The following SNX6 variants were observed in gnomAD, a reference collection of about 807,000 sequenced individuals.
SNX6 encodes sorting nexin 6, also known as sorting nexin-6.
A neutral mutation model predicts 63.0 loss-of-function variants in SNX6; 34 were observed. The ratio of observed to expected loss-of-function variants is 0.54; its 90% CI spans 0.41 to 0.72. SNX6 has a LOEUF of 0.72. SNX6 is among the 30% of genes least tolerant of loss of function. The pLI is 0.00. For synonymous variants in SNX6, 170 were observed against 164.2 expected (o/e 1.04, Z -0.27); for missense variants, 398 against 471.4 (o/e 0.84, Z 1.44).
At chr14:34,629,651 G>C in intron 2 of SNX6, 1 of 681,288 alleles carries the variant, frequency 1.5e-6, no homozygotes, top group Non-Finnish European at 2.7e-6. Context: ...CCGCGTGGGA[G>C]TGGAGGTCCA....
chr14:34,612,270 G>C lies in SNX6; in HGVS notation c.55-2528C>G, dbSNP rs565299772. 8.7e-4 allele frequency among the ~76,000 whole-genome samples: 132 copies of C among 152,170 alleles called. 1 individual carries two copies. Among genetic ancestry groups the C allele is most frequent in the African/African-American group, 2.9e-3 (120 of 41,528 alleles). ...CACTTTTAAGATGTTTATTGTGGTAGGCTGAACAATGGCTCCCCAGGAGGT... is the reference window on the plus strand; with the variant it reads ...CACTTTTAAGATGTTTATTGTGGTACGCTGAACAATGGCTCCCCAGGAGGT... On this transcript the variant is annotated intron_variant, in intron 2 of 13. Coordinates refer to ENST00000362031, the MANE Select transcript of SNX6 (RefSeq NM_152233.4).
chr14:34,620,456 G>C (rs1208218702), intron 2 of SNX6, among the ~76,000 whole-genome samples: 1 of 152,018 alleles, frequency 6.6e-6, no homozygotes, highest in African/African-American at 2.4e-5. Flanking sequence ...ATGCCAGCCT[G>C]GGCAACAGAG....
At chr14:34,603,535 T>C in intron 5 of SNX6, 64 bp from the exon 6 acceptor site, 2 of 1,375,768 alleles carry the variant, frequency 1.5e-6, no homozygotes, top group South Asian at 1.5e-5. Context: ...CCTGCAACAA[T>C]TTTTTTCAGA....
intron 2 of SNX6, among the ~76,000 whole-genome samples, chr14:34,610,978 CGTGT>C (rs202152885): frequency 6.6e-6 from 1 of 151,160 alleles, no homozygotes; most frequent in African/African-American, 2.4e-5. Flanking sequence ...AATATATATA[CGTGT>C]GTGTGTGTGT....
chr14:34,569,748 G>A (rs1456170735), intron 11 of SNX6, among the ~76,000 whole-genome samples: 1 of 152,172 alleles, frequency 6.6e-6, no homozygotes, highest in African/African-American at 2.4e-5. Context: ...TTCTACTGCT[G>A]AGTAGTATTT....
intron 13 of SNX6, among the ~76,000 whole-genome samples, chr14:34,564,690 T>C (rs909608525): frequency 3.4e-4 from 51 of 151,898 alleles, no homozygotes; most frequent in African/African-American, 1.2e-3. Flanking sequence ...TAGCTGGGCG[T>C]GGTGGTGTGC....
chr14:34,566,730 T>C (rs1470632707), intron 13 of SNX6, among the ~76,000 whole-genome samples: 1 of 152,164 alleles, frequency 6.6e-6, no homozygotes, highest in Admixed American at 6.6e-5. Flanking sequence ...AAACTTTCTA[T>C]TAACTACAAG....
At chr14:34,581,746 T>C in intron 9 of SNX6, 146 bp from the exon 10 acceptor site, 2 of 477,022 alleles carry the variant, frequency 4.2e-6, no homozygotes, top group Non-Finnish European at 7.8e-6. Context: ...AGACTTCATT[T>C]AGTTTGACAA....
chr14:34,599,465 G>A (rs1882721981), intron 6 of SNX6, among the ~76,000 whole-genome samples: 1 of 152,078 alleles, frequency 6.6e-6, no homozygotes, highest in Admixed American at 6.6e-5. Flanking sequence ...AAACTAGCTG[G>A]GCGTCGTGGC....
Position 34,567,981 on chromosome 14 carries a change from C to T in SNX6, c.954G>A (p.Val318=). Residue 318 remains valine, a synonymous_variant, in exon 12 of 14, where the codon GTG becomes GTA. Coordinates refer to ENST00000362031, the MANE Select transcript of SNX6 (RefSeq NM_152233.4). ...GTGCTTTATTAGCATTTTCATAATC[C>T]ACTAGTGACCTAGACCTTCGATACA... is the stretch of plus-strand genomic sequence containing the variant. ...DLLYRRSRSL[V]DYENANKALD... 3 of 1,611,874 alleles carry T rather than the reference C, an allele frequency of 1.9e-6. No individual in the cohort carries two copies. The highest frequency in any genetic ancestry group is 1.7e-6 in the Non-Finnish European group (2 of 1,179,928).
intron 10 of SNX6, among the ~76,000 whole-genome samples, chr14:34,576,424 T>C (rs1270629389): frequency 7.1e-6 from 1 of 140,554 alleles, no homozygotes; most frequent in Non-Finnish European, 1.5e-5. Context: ...CGTGAGTTTA[T>C]GGAAGGACAC....
chr14:34,569,656 G>C (rs1458700530), intron 11 of SNX6, among the ~76,000 whole-genome samples: 1 of 152,156 alleles, frequency 6.6e-6, no homozygotes, highest in Non-Finnish European at 1.5e-5. Context: ...AAATGGAATA[G>C]TGTGATTTTT....
Position 34,566,770 on chromosome 14 carries a change from C to G in SNX6, c.1167+916G>C, listed in dbSNP as rs148064724. On this transcript the variant is annotated intron_variant, in intron 13 of 13. Coordinates refer to ENST00000362031, the MANE Select transcript of SNX6 (RefSeq NM_152233.4). ...GGCTTAATTCAAAGTAAACAACTAA[C>G]GTGAAAAAAGACCAGAGGGCCAGGC... Among the ~76,000 whole-genome samples, 145 of 152,196 alleles carry G rather than the reference C, an allele frequency of 9.5e-4. No homozygotes were observed. The Middle Eastern group carries it at 0.02, about 21-fold the overall frequency.
chr14:34,619,884 TA>T (rs563804428), intron 2 of SNX6, among the ~76,000 whole-genome samples: 53 of 152,254 alleles, frequency 3.5e-4, no homozygotes, highest in African/African-American at 1.1e-3. Flanking sequence ...TTTATTTATT[TA>T]TTTTTTTATA....
intron 11 of SNX6, among the ~76,000 whole-genome samples, chr14:34,574,869 TTTTC>T (rs143777227): frequency 0.011 from 1,668 of 151,612 alleles, 28 homozygotes; most frequent in African/African-American, 0.036. Context: ...GCTCCTGCTT[TTTTC>T]TTTTTCTTTG....
At chr14:34,626,166 A>C (rs2138395030) in intron 2 of SNX6, among the ~76,000 whole-genome samples, 1 of 152,306 alleles carries the variant, frequency 6.6e-6, no homozygotes, top group South Asian at 2.1e-4. Flanking sequence ...AATTATTATG[A>C]TTCACCCAGT....
intron 10 of SNX6, among the ~76,000 whole-genome samples, chr14:34,576,453 T>TATATA (rs201315469): frequency 5.7e-4 from 2 of 3,530 alleles, no homozygotes; most frequent in Non-Finnish European, 2.3e-3. Context: ...TATATATATA[T>TATATA]TTTTTTTTTT....
chr14:34,616,168 A>G (rs1883412686), intron 2 of SNX6, among the ~76,000 whole-genome samples: 1 of 151,832 alleles, frequency 6.6e-6, no homozygotes, highest in Non-Finnish European at 1.5e-5. Flanking sequence ...GTTGGCCAGG[A>G]TGGTCTTGAT....
At chr14:34,609,432 G>A (rs1883138540) in intron 3 of SNX6, among the ~76,000 whole-genome samples, 1 of 129,766 alleles carries the variant, frequency 7.7e-6, no homozygotes, top group South Asian at 2.5e-4. Flanking sequence ...AGTGAGCCGA[G>A]ATCGTGCCAC....
Sources: allele counts gnomAD v4.1 joint callset (sites outside exome capture counted in the v4.1 genomes callset), GRCh38; gene constraint gnomAD v4.1.1; transcripts MANE v1.5; gene names NCBI Gene and HGNC (gene_info 2026-07-23, HGNC 2026-07-21).